The following CIT variants were observed in gnomAD, a reference collection of about 807,000 sequenced individuals.
CIT encodes citron rho-interacting serine/threonine kinase, also known as citron Rho-interacting kinase.
CIT carries 79 observed loss-of-function variants against 272.7 expected under a neutral mutation model. That is an observed-to-expected ratio of 0.29 (90% CI 0.24 to 0.35). CIT has a LOEUF of 0.35. Ranked by LOEUF, CIT falls within the 10% of genes least tolerant of loss-of-function variation. The pLI is 1.00. For synonymous variants in CIT, 948 were observed against 995.6 expected, an observed-to-expected ratio of 0.95 and a Z score of 0.90; for missense variants, 1,909 against 2,618.3, an observed-to-expected ratio of 0.73 and a Z score of 5.91.
At position 119,688,268 on chromosome 12, in the gene CIT, TAAG is replaced by T. The variant is rs1307707571; in HGVS notation, c.6187-16_6187-14del. Reference sequence around the variant, plus strand: ...ACTGGTCCCAGACCTAGGAGTGAAATAAGGAGGAGTGTTAGCCATCCGAGGCCA... The same window carrying T: ...ACTGGTCCCAGACCTAGGAGTGAAATGAGGAGTGTTAGCCATCCGAGGCCA... On this transcript the variant is annotated splice_polypyrimidine_tract_variant and intron_variant, in intron 47 of 47. Coordinates refer to ENST00000392521, the MANE Select transcript of CIT (RefSeq NM_001206999.2). The T allele has an allele frequency of 1.9e-5, 30 of 1,558,722 alleles. No individual in the cohort carries two copies. Among genetic ancestry groups the T allele is most frequent in the Non-Finnish European group, 2.5e-5 (29 of 1,146,370 alleles).
At chr12:119,857,324 T>C (rs1950200056) in intron 4 of CIT, among the ~76,000 whole-genome samples, 199 bp downstream of exon 4, 1 of 152,232 alleles carries the variant, frequency 6.6e-6, no homozygotes, top group Non-Finnish European at 1.5e-5. Context: ...GAGGAATTTG[T>C]GAGCCTTCAA....
At chr12:119,730,937 G>A (rs772065840) in intron 26 of CIT, among the ~76,000 whole-genome samples, 27 of 152,114 alleles carry the variant, frequency 1.8e-4, no homozygotes, top group African/African-American at 2.7e-4. Context: ...AGACCAGCCT[G>A]GCCAACGTGG....
rs1397164517 is a variant in CIT at position 119,686,712 on chromosome 12, T to G, written c.*1520A>C. The G allele has an allele frequency of 6.6e-6, 1 of 152,278 alleles. No individual in the cohort carries two copies. Among genetic ancestry groups the G allele is most frequent in the Non-Finnish European group, 1.5e-5 (1 of 68,052 alleles). 9.4% of individuals were successfully genotyped at this position (152,278 alleles called of 1,614,324 possible). ...AAAGCAACAGATGCCTTGTGGGAGA[T>G]TAAAGGCAGAAATAAGGCCGCGAGT... On this transcript the variant is annotated 3_prime_UTR_variant, in exon 48 of 48. Transcript: ENST00000392521.
At chr12:119,820,008 G>A (rs1176830135) in intron 9 of CIT, among the ~76,000 whole-genome samples, 5 of 152,086 alleles carry the variant, frequency 3.3e-5, no homozygotes, top group Admixed American at 1.3e-4. Flanking sequence ...ACCAATCCTC[G>A]GTGGGCATGA....
At chr12:119,806,137 CAAAAAAAAAAAA>C (rs3858711) in intron 9 of CIT, among the ~76,000 whole-genome samples, 4 of 62,656 alleles carry the variant, frequency 6.4e-5, no homozygotes, top group Admixed American at 2.4e-4. Flanking sequence ...AACACCATCT[CAAAAAAAAAAAA>C]AAAAAAAAAA....
intron 40 of CIT, among the ~76,000 whole-genome samples, chr12:119,707,817 C>T (rs551181558): frequency 4.6e-5 from 7 of 152,168 alleles, no homozygotes; most frequent in Non-Finnish European, 1.0e-4. Context: ...TGCAATCTTA[C>T]ACAAAAAATA....
intron 43 of CIT, 69 bp from the exon 44 acceptor site, chr12:119,700,894 G>A (rs1434800779): frequency 2.3e-6 from 3 of 1,291,662 alleles, no homozygotes; most frequent in African/African-American, 1.5e-5. Flanking sequence ...CACACATGGT[G>A]ATGGAAGAAT....
intron 23 of CIT, among the ~76,000 whole-genome samples, chr12:119,748,098 A>G (rs1485040632): frequency 6.6e-6 from 1 of 151,938 alleles, no homozygotes; most frequent in East Asian, 1.9e-4. Context: ...CCTGGGAGTC[A>G]AGGCTGCAGT....
chr12:119,695,457 C>T (rs865992687), intron 46 of CIT, among the ~76,000 whole-genome samples: 3 of 152,286 alleles, frequency 2.0e-5, no homozygotes, highest in Non-Finnish European at 2.9e-5. Flanking sequence ...GCTTCCAGGA[C>T]TTCCTGTGGG....
rs536682759 is a variant in CIT at position 119,860,766 on chromosome 12, G to A, written c.239-3068C>T. ...CAAATCTCCATTTCTTTATCTAAAG[G>A]CTTTTGGATTATTAAGGTGAACAGA... is the stretch of plus-strand genomic sequence containing the variant. On this transcript the variant is annotated intron_variant, in intron 3 of 47. Coordinates refer to ENST00000392521, the MANE Select transcript of CIT (RefSeq NM_001206999.2). 2.0e-5 allele frequency among the ~76,000 whole-genome samples: 3 copies of A among 151,560 alleles called. No individual in the cohort carries two copies. In the South Asian group the frequency reaches 6.3e-4, roughly 32 times the overall value.
At chr12:119,865,338 C>G (rs972286765) in intron 3 of CIT, among the ~76,000 whole-genome samples, 1 of 152,216 alleles carries the variant, frequency 6.6e-6, no homozygotes, top group Non-Finnish European at 1.5e-5. Flanking sequence ...TCCTTCCCCT[C>G]CCACTCGCTA....
Position 119,850,221 on chromosome 12 carries a change from T to C in CIT, c.469A>G (p.Ile157Val). 1 of 1,613,554 alleles carries C rather than the reference T, an allele frequency of 6.2e-7. No individual in the cohort carries two copies. Among genetic ancestry groups the C allele is most frequent in the Non-Finnish European group, 8.5e-7 (1 of 1,179,762 alleles). The change falls in exon 5 of 48, where the codon ATC becomes GTC. Residue 157 changes from isoleucine to valine, a missense_variant. Physicochemically the swap from Ile to Val is conservative, Grantham distance 29. This residue lies in a region of CIT where 529 missense variants were observed against 549.6 expected (regional missense o/e 0.96). Coordinates refer to ENST00000392521, the MANE Select transcript of CIT (RefSeq NM_001206999.2). Reference sequence around the variant, plus strand: ...TGAAAGGCATACTGTAATTGGGGGATCCACGGGCTTGTGCTTCGAGATAAT... The same window carrying C: ...TGAAAGGCATACTGTAATTGGGGGACCCACGGGCTTGTGCTTCGAGATAAT... ...NILSRSTSPW[I>V]PQLQYAFQDK...
intron 10 of CIT, among the ~76,000 whole-genome samples, chr12:119,798,966 T>C (rs1965968026): frequency 6.6e-6 from 1 of 152,236 alleles, no homozygotes; most frequent in Admixed American, 6.5e-5. Context: ...CTTGTTCAAC[T>C]TGATGGGAAG....
rs148188101 is a variant in CIT at position 119,705,771 on chromosome 12, C to CAA, written c.5212-1318_5212-1317dup. 1.5e-3 allele frequency among the ~76,000 whole-genome samples: 71 copies of CAA among 46,616 alleles called. 1 individual carries two copies. Among genetic ancestry groups the CAA allele is most frequent in the African/African-American group, 1.8e-3 (26 of 14,286 alleles). The allele number at this position is 46,616 out of a possible 152,430, so 30.6% of individuals were successfully genotyped here. A position where few individuals can be genotyped will look rare whatever the true frequency, so the allele number is the denominator to read the frequency against. ...TGGGTGACAGAGTGAGACTCTGTCT[C>CAA]AAAAAAAAAAAAAAAAAAAAAAAAA... is the stretch of plus-strand genomic sequence containing the variant. On this transcript the variant is annotated intron_variant, in intron 40 of 47. Transcript: ENST00000392521.
At chr12:119,812,997 G>A (rs893529739) in intron 9 of CIT, among the ~76,000 whole-genome samples, 5 of 152,230 alleles carry the variant, frequency 3.3e-5, no homozygotes, top group African/African-American at 4.8e-5. Flanking sequence ...TCAACCAACC[G>A]AACACTCTTG....
At position 119,789,872 on chromosome 12, in the gene CIT, AT is replaced by A. The variant is rs772395022; in HGVS notation, c.1296-4808del. On this transcript the variant is annotated intron_variant, in intron 10 of 47. Coordinates refer to ENST00000392521, the MANE Select transcript of CIT (RefSeq NM_001206999.2). ...AGGCGCACGCCACCACGCCCAGCAA[AT>A]TTTTTTTTTTTTTTTGTATTCTAGT... 4.0e-3 allele frequency among the ~76,000 whole-genome samples: 566 copies of A among 141,580 alleles called. 1 individual carries two copies. The highest frequency in any genetic ancestry group is 0.011 in the East Asian group (54 of 4,922). 92.9% of individuals were successfully genotyped at this position (141,580 alleles called of 152,430 possible).
rs748498978 is a variant in CIT at position 119,752,135 on chromosome 12, G to A, written c.2819C>T (p.Ala940Val). 1.1e-5 allele frequency: 18 copies of A among 1,612,824 alleles called. No homozygotes were observed. Among genetic ancestry groups the A allele is most frequent in the Admixed American group, 1.7e-5 (1 of 60,000 alleles). Residue 940 changes from alanine to valine, a missense_variant, in exon 23 of 48, where the codon GCG becomes GTG. Ala to Val is a moderately conservative substitution (Grantham distance 64). Coordinates refer to ENST00000392521, the MANE Select transcript of CIT (RefSeq NM_001206999.2). The stretch of plus-strand genomic sequence containing the variant: ...CTGGCGAAGCTGGCTCTCCAGGGCC[G>A]CCCGTGCAGCCTGCAGGGCTGTCAA... ...SQLTALQAAR[A>V]ALESQLRQAK...
chr12:119,687,226 C>G lies in CIT; in HGVS notation c.*1006G>C, dbSNP rs1260923112. The G allele has an allele frequency of 6.6e-6, 1 of 152,582 alleles. No homozygotes were observed. Among genetic ancestry groups the G allele is most frequent in the East Asian group, 1.9e-4 (1 of 5,198 alleles). The allele number at this position is 152,582 out of a possible 1,614,324, so 9.5% of individuals were successfully genotyped here. On this transcript the variant is annotated 3_prime_UTR_variant, in exon 48 of 48. Transcript: ENST00000392521. ...TTGGCAGAGCAACCCAAGGGGGCAG[C>G]ACATGCAGTGAACTGCCATGCAGAA... is the stretch of plus-strand genomic sequence containing the variant.
chr12:119,701,854 G>C lies in CIT; in HGVS notation c.5409C>G (p.Leu1803=), dbSNP rs779034565. 5 of 1,613,948 alleles carry C rather than the reference G, an allele frequency of 3.1e-6. No homozygotes were observed. Among genetic ancestry groups the C allele is most frequent in the Middle Eastern group, 1.7e-4 (1 of 6,060 alleles). The change falls in exon 42 of 48, where the codon CTC becomes CTG. Residue 1803 remains leucine (L), a synonymous_variant. Transcript: ENST00000392521. ...FYEIDMKQYT[L]EEFLDKNDHS... Reference sequence around the variant, plus strand: ...GAAAGTGGAGGTGGGTCCTACCCTCGAGCGTGTACTGCTTCATGTCGATTT... The same window carrying C: ...GAAAGTGGAGGTGGGTCCTACCCTCCAGCGTGTACTGCTTCATGTCGATTT...
Sources: allele counts gnomAD v4.1 joint callset (sites outside exome capture counted in the v4.1 genomes callset), GRCh38; gene constraint gnomAD v4.1.1; regional missense constraint gnomAD v4.1.1; transcripts MANE v1.5; gene names NCBI Gene and HGNC (gene_info 2026-07-23, HGNC 2026-07-21).